SHROOM4: variants seen among roughly 807,000 people sequenced by gnomAD.
The protein encoded by SHROOM4 is protein Shroom4.
Under a neutral mutation model 80.3 loss-of-function variants are expected in SHROOM4, and 17 were observed. That is an observed-to-expected ratio of 0.21 (90% CI 0.14 to 0.32). The LOEUF is 0.32. SHROOM4 is among the 10% of genes least tolerant of loss of function. The pLI is 1.00. For synonymous variants in SHROOM4, 400 were observed against 437.5 expected (o/e 0.91, Z 1.07); for missense variants, 993 against 1,140.3 (o/e 0.87, Z 1.86).
At position 50,595,945 on chromosome X, in the gene SHROOM4, G is replaced by A; in HGVS notation, c.*750C>T. 3.0e-6 allele frequency: 1 copy of A among 329,314 alleles called. No homozygotes were observed. Among genetic ancestry groups the A allele is most frequent in the South Asian group, 2.6e-5 (1 of 38,457 alleles). 27.1% of individuals were successfully genotyped at this position (329,314 alleles called of 1,213,427 possible). ...ATGGCCCATATGGTGAAGCCCTGGG[G>A]TAGGCACCTGCGGTAACCCCCAGCA... On this transcript the variant is annotated 3_prime_UTR_variant, in exon 9 of 9. Transcript: ENST00000376020.
chrX:50,668,667 G>A (rs1932757853), intron 2 of SHROOM4, among the ~76,000 whole-genome samples: 1 of 112,101 alleles, frequency 8.9e-6, no homozygotes, highest in Non-Finnish European at 1.9e-5. Flanking sequence ...AGAATGATAT[G>A]ATAAAGCACC....
At chrX:50,723,770 A>T (rs112194062) in intron 1 of SHROOM4, among the ~76,000 whole-genome samples, 6,746 of 110,808 alleles carry the variant, frequency 0.061, 323 homozygotes, top group African/African-American at 0.16. Flanking sequence ...AAGGGCCTGT[A>T]TCCCTTCCCT....
chrX:50,674,020 T>C (rs1049012639), intron 2 of SHROOM4, among the ~76,000 whole-genome samples: 2 of 109,549 alleles, frequency 1.8e-5, no homozygotes, highest in African/African-American at 6.6e-5. Flanking sequence ...AAAAATGAAA[T>C]GCTTAGATGT....
At chrX:50,776,908 A>G (rs1935523493) in intron 1 of SHROOM4, among the ~76,000 whole-genome samples, 1 of 110,110 alleles carries the variant, frequency 9.1e-6, no homozygotes, top group Non-Finnish European at 1.9e-5. Context: ...AGGCTGTCTC[A>G]AACTCCTGGG....
chrX:50,625,965 T>G (rs903227728), intron 5 of SHROOM4, among the ~76,000 whole-genome samples: 14 of 112,184 alleles, frequency 1.2e-4, no homozygotes, highest in Non-Finnish European at 2.3e-4. Flanking sequence ...GAGTTTACGG[T>G]GTCAGGTTTT....
At chrX:50,706,494 C>T (rs1205395795) in intron 1 of SHROOM4, among the ~76,000 whole-genome samples, 1 of 111,791 alleles carries the variant, frequency 8.9e-6, no homozygotes, top group African/African-American at 3.3e-5. Flanking sequence ...CAGGATATCA[C>T]CCTATTCATT....
intron 2 of SHROOM4, among the ~76,000 whole-genome samples, chrX:50,650,507 C>A (rs534879310): frequency 9.1e-6 from 1 of 109,922 alleles, no homozygotes; most frequent in Admixed American, 9.6e-5. Context: ...CGTGCCACCA[C>A]GCCTGGCTAA....
At chrX:50,736,183 C>T (rs782574790) in intron 1 of SHROOM4, among the ~76,000 whole-genome samples, 1 of 110,246 alleles carries the variant, frequency 9.1e-6, no homozygotes, top group South Asian at 4.0e-4. Context: ...TTTTATTTCT[C>T]CATATCTTCA....
At chrX:50,644,442 C>T (rs1280189197) in intron 2 of SHROOM4, among the ~76,000 whole-genome samples, 2 of 111,986 alleles carry the variant, frequency 1.8e-5, no homozygotes, top group Non-Finnish European at 1.9e-5. Flanking sequence ...CAAATGATGC[C>T]CTAAGTGATT....
rs926112499 is a variant in SHROOM4 at position 50,792,516 on chromosome X, A to G, written c.117+21386T>C. Among the ~76,000 whole-genome samples, 3 of 110,289 alleles carry G rather than the reference A, an allele frequency of 2.7e-5. No individual in the cohort carries two copies. In the Admixed American group the frequency reaches 2.9e-4, roughly 11 times the overall value. Reference sequence around the variant, plus strand: ...GCAAGACTCTCTCTCAGGAAAAAAAAAAAAGAAAAGGCAGCCTATGGAATG... The same window carrying G: ...GCAAGACTCTCTCTCAGGAAAAAAAGAAAAGAAAAGGCAGCCTATGGAATG... On this transcript the variant is annotated intron_variant, in intron 1 of 8. Coordinates refer to ENST00000376020, the MANE Select transcript of SHROOM4 (RefSeq NM_020717.5).
intron 1 of SHROOM4, among the ~76,000 whole-genome samples, chrX:50,705,919 A>G (rs1341943486): frequency 9.2e-6 from 1 of 108,622 alleles, no homozygotes; most frequent in African/African-American, 3.4e-5. Context: ...AAACAGCAGC[A>G]GATCAGAAGC....
At chrX:50,742,239 T>C (rs1303217483) in intron 1 of SHROOM4, among the ~76,000 whole-genome samples, 2 of 111,283 alleles carry the variant, frequency 1.8e-5, no homozygotes, top group South Asian at 7.6e-4. Flanking sequence ...CAAATAGTTT[T>C]AGATTTAAGA....
chrX:50,677,306 G>C (rs782428918), intron 2 of SHROOM4, among the ~76,000 whole-genome samples: 2 of 111,573 alleles, frequency 1.8e-5, no homozygotes, highest in South Asian at 7.5e-4. Flanking sequence ...AAGTGAAGGA[G>C]TATCATACCT....
intron 2 of SHROOM4, among the ~76,000 whole-genome samples, chrX:50,680,306 A>G (rs781834580): frequency 5.4e-5 from 6 of 111,950 alleles, no homozygotes; most frequent in Non-Finnish European, 7.5e-5. Context: ...TTTAATGTCC[A>G]TGGTTTTAGC....
intron 2 of SHROOM4, among the ~76,000 whole-genome samples, chrX:50,693,522 T>C (rs1186649843): frequency 1.9e-5 from 2 of 104,646 alleles, no homozygotes; most frequent in African/African-American, 3.5e-5. Flanking sequence ...GCCGAGATCA[T>C]GCCACTGCAC....
At chrX:50,807,792 T>C (rs1317528306) in intron 1 of SHROOM4, among the ~76,000 whole-genome samples, 1 of 111,535 alleles carries the variant, frequency 9.0e-6, no homozygotes, top group East Asian at 2.8e-4. Flanking sequence ...CTCCCAAATC[T>C]ATTATGTGGC....
chrX:50,739,407 G>A (rs1269771192), intron 1 of SHROOM4, among the ~76,000 whole-genome samples: 1 of 111,211 alleles, frequency 9.0e-6, no homozygotes, highest in Admixed American at 9.5e-5. Flanking sequence ...CTACAGAATG[G>A]GAGAAAATTT....
chrX:50,745,363 G>C (rs1934751740), intron 1 of SHROOM4, among the ~76,000 whole-genome samples: 1 of 111,032 alleles, frequency 9.0e-6, no homozygotes, highest in African/African-American at 3.3e-5. Flanking sequence ...TGGATGAGGA[G>C]AGAATGATAT....
chrX:50,785,710 G>A (rs1935725950), intron 1 of SHROOM4, among the ~76,000 whole-genome samples: 1 of 111,127 alleles, frequency 9.0e-6, no homozygotes, highest in Admixed American at 9.6e-5. Context: ...TTTTGGGTGT[G>A]ATGAACATGC....
Sources: allele counts gnomAD v4.1 joint callset (sites outside exome capture counted in the v4.1 genomes callset), GRCh38; gene constraint gnomAD v4.1.1; transcripts MANE v1.5; gene names NCBI Gene and HGNC (gene_info 2026-07-23, HGNC 2026-07-21).